THBS1: variants seen among roughly 807,000 people sequenced by gnomAD.
THBS1 encodes the protein thrombospondin-1.
THBS1 carries 29 observed loss-of-function variants against 126.1 expected under a neutral mutation model. The observed-to-expected ratio is 0.23, with a 90% CI of 0.17 to 0.31. The LOEUF is 0.31. THBS1 is among the 10% of genes least tolerant of loss of function. The pLI is 1.00. For missense variants in THBS1, 1,198 were observed against 1,545.2 expected (o/e 0.78, Z 3.77); for synonymous variants, 496 against 577.8 (o/e 0.86, Z 2.03).
chr15:39,589,823 C>T lies in THBS1; in HGVS notation c.1945C>T (p.Pro649Ser). Reference sequence around the variant, plus strand: ...CCCTCAGGTGTGCAAGCCCCGTAACCCCTGCACGGATGGGACCCACGACTG... The same window carrying T: ...CCCTCAGGTGTGCAAGCCCCGTAACTCCTGCACGGATGGGACCCACGACTG... The part of the protein sequence containing the change: ...ANKQVCKPRN[P>S]CTDGTHDCNK... Residue 649 changes from proline (P) to serine (S), a missense_variant, in exon 13 of 22, where the codon CCC (proline) becomes TCC (serine). Physicochemically the swap from Pro to Ser is moderately conservative, Grantham distance 74. Around this residue, in one of 4 missense-constraint regions of THBS1, gnomAD observed 663 missense variants for 860.1 expected, o/e 0.77. Coordinates refer to ENST00000260356, the MANE Select transcript of THBS1 (RefSeq NM_003246.4). The surrounding 1 kb of genome is among the most constrained non-coding windows in gnomAD (Gnocchi z 4.7). The T allele has an allele frequency of 6.2e-7, 1 of 1,613,090 alleles. No individual in the cohort carries two copies. Among genetic ancestry groups the T allele is most frequent in the Non-Finnish European group, 8.5e-7 (1 of 1,179,440 alleles).
chr15:39,590,227 G>A (rs909713725), intron 13 of THBS1, among the ~76,000 whole-genome samples: 1 of 152,276 alleles, frequency 6.6e-6, no homozygotes, highest in Admixed American at 6.5e-5. Context: ...GGGCAACTGT[G>A]TTCCATAGTC....
rs767258475 is a variant in THBS1, at chr15:39,585,458, C to T, written c.1027-12C>T. Reference sequence around the variant, plus strand: ...CAGCAGCCTGTTCCCCTCTCACTCTCTTGCCCTGCAGAACTCAGTTACCAT... The same window carrying T: ...CAGCAGCCTGTTCCCCTCTCACTCTTTTGCCCTGCAGAACTCAGTTACCAT... On this transcript the variant is annotated splice_polypyrimidine_tract_variant and intron_variant, in intron 6 of 21. Coordinates refer to ENST00000260356, the MANE Select transcript of THBS1 (RefSeq NM_003246.4). 2 of 1,613,424 alleles carry T rather than the reference C, an allele frequency of 1.2e-6. No individual in the cohort carries two copies. Among genetic ancestry groups the T allele is most frequent in the Non-Finnish European group, 1.7e-6 (2 of 1,179,388 alleles).
Position 39,584,504 on chromosome 15 carries a change from C to T in THBS1, c.1026+82C>T. ...CTTTGGGGAAATACCCTAATCGCCACAGAGATTCTTTTTATGTTCCATGGC... is the reference window on the plus strand; with the variant it reads ...CTTTGGGGAAATACCCTAATCGCCATAGAGATTCTTTTTATGTTCCATGGC... On this transcript the variant is annotated intron_variant, in intron 6 of 21. Transcript: ENST00000260356. The T allele has an allele frequency of 1.9e-6, 3 of 1,553,052 alleles. No homozygotes were observed. The East Asian group carries it at 6.8e-5, about 35-fold the overall frequency.
chr15:39,587,542 G>A, intron 8 of THBS1, 22 bp downstream of exon 8: 6 of 1,598,002 alleles, frequency 3.8e-6, no homozygotes, highest in Non-Finnish European at 5.1e-6. Context: ...AGCCTCTCAG[G>A]GACGTGGAGA....
rs59086883 is a variant in THBS1, at chr15:39,582,200, C to A, written c.75C>A (p.Gly25=). 13 of 1,599,640 alleles carry A rather than the reference C, an allele frequency of 8.1e-6. No homozygotes were observed. The highest frequency in any genetic ancestry group is 4.0e-5 in the African/African-American group (3 of 74,472). ...VCGTNRIPES[G]GDNSVFDIFE... ...TTCTCTCCTGTCTAACAGAGTCTGG[C>A]GGAGACAACAGCGTGTTTGACATCT... Residue 25 remains glycine, a synonymous_variant, in exon 3 of 22, where the codon GGC becomes GGA. Transcript: ENST00000260356.
At chr15:39,587,169 C>G in intron 7 of THBS1, 178 bp from the exon 8 acceptor site, 1 of 508,308 alleles carries the variant, frequency 2.0e-6, no homozygotes, top group Non-Finnish European at 3.4e-6. Flanking sequence ...TATATCAAAA[C>G]ATCACATTAT....
At chr15:39,585,732 A>G (rs1389735980) in intron 7 of THBS1, among the ~76,000 whole-genome samples, 169 bp downstream of exon 7, 1 of 152,240 alleles carries the variant, frequency 6.6e-6, no homozygotes. Context: ...GTACAGAGCC[A>G]AAACTCCATT....
chr15:39,599,406 A>G lies in THBS1; in HGVS notation c.*4037A>G, dbSNP rs1175458750. The G allele has an allele frequency of 6.6e-6, 1 of 152,110 alleles. No individual in the cohort carries two copies. Among genetic ancestry groups the G allele is most frequent in the Non-Finnish European group, 1.5e-5 (1 of 68,028 alleles). 9.4% of individuals were successfully genotyped at this position (152,110 alleles called of 1,614,324 possible). On this transcript the variant is annotated 3_prime_UTR_variant, in exon 22 of 22. Coordinates refer to ENST00000260356, the MANE Select transcript of THBS1 (RefSeq NM_003246.4). ...AAAGGCTCACTATGTCCCAAATATC[A>G]TTGGCAGAAGCAAACTATAAAGTCA...
At chr15:39,584,458 G>A (rs377476585) in intron 6 of THBS1, 36 bp downstream of exon 6, 132 of 1,611,828 alleles carry the variant, frequency 8.2e-5, no homozygotes, top group African/African-American at 4.4e-4. Context: ...AAGAATCGAC[G>A]GCTTTTGTTT....
chr15:39,583,771 A>C, intron 4 of THBS1, 79 bp downstream of exon 4: 1 of 1,476,246 alleles, frequency 6.8e-7, no homozygotes, highest in Non-Finnish European at 9.4e-7. Flanking sequence ...ATTTAGCAAT[A>C]GTGGTTATAC....
In THBS1 at chr15:39,582,299, T is replaced by C. The variant is rs1890124105; in HGVS notation, c.174T>C (p.Ala58=). 1 of 1,614,096 alleles carries C rather than the reference T, an allele frequency of 6.2e-7. No individual in the cohort carries two copies. Among genetic ancestry groups the C allele is most frequent in the Non-Finnish European group, 8.5e-7 (1 of 1,180,030 alleles). ...AGGGCCCCGACCCTTCCAGCCCAGC[T>C]TTCCGCATCGAGGATGCCAACCTGA... ...LVKGPDPSSP[A]FRIEDANLIP... Residue 58 remains alanine (A), a synonymous_variant, in exon 3 of 22, where the codon GCT becomes GCC. Coordinates refer to ENST00000260356, the MANE Select transcript of THBS1 (RefSeq NM_003246.4).
At position 39,594,125 on chromosome 15, in the gene THBS1, T is replaced by C; in HGVS notation, c.3294T>C (p.Arg1098=). The change falls in exon 20 of 22, where the codon CGT becomes CGC. Residue 1098 remains arginine, a synonymous_variant. Coordinates refer to ENST00000260356, the MANE Select transcript of THBS1 (RefSeq NM_003246.4). This position sits in a 1 kb window ranked among gnomAD's most constrained non-coding sequence, Gnocchi z 4.4. The part of the protein sequence containing the change: ...GQVRTLWHDP[R]HIGWKDFTAY... ...TGCGCACCCTGTGGCATGACCCTCG[T>C]CACATAGGCTGGAAAGATTTCACCG... 2 of 1,614,080 alleles carry C rather than the reference T, an allele frequency of 1.2e-6. No homozygotes were observed. The highest frequency in any genetic ancestry group is 1.7e-6 in the Non-Finnish European group (2 of 1,179,980).
chr15:39,585,388 G>A (rs1430612592), intron 6 of THBS1, 82 bp from the exon 7 acceptor site: 8 of 1,310,616 alleles, frequency 6.1e-6, no homozygotes, highest in East Asian at 2.3e-5. Flanking sequence ...GTTTTGGCTT[G>A]TAAAGGAAAT....
At chr15:39,587,248 T>G in intron 7 of THBS1, 99 bp from the exon 8 acceptor site, 3 of 1,225,552 alleles carry the variant, frequency 2.4e-6, no homozygotes, top group Non-Finnish European at 3.4e-6. Context: ...AATATATTGC[T>G]TTTCACCCTC....
Position 39,597,760 on chromosome 15 carries a change from A to C in THBS1, c.*2391A>C, listed in dbSNP as rs192601553. 2.6e-5 allele frequency: 4 copies of C among 152,218 alleles called. No individual in the cohort carries two copies. The highest frequency in any genetic ancestry group is 5.9e-5 in the Non-Finnish European group (4 of 68,034). The allele number at this position is 152,218 out of a possible 1,614,324, so 9.4% of individuals were successfully genotyped here. On this transcript the variant is annotated 3_prime_UTR_variant, in exon 22 of 22. Transcript: ENST00000260356. ...CCCCATAAGAATAAAATTTCTTATT[A>C]AGGTCATTAGATGTCATTGAATCCT...
In THBS1 at chr15:39,583,670, C is replaced by G; in HGVS notation, c.681C>G (p.Leu227=). 6.2e-7 allele frequency: 1 copy of G among 1,613,960 alleles called. No individual in the cohort carries two copies. The highest frequency in any genetic ancestry group is 8.5e-7 in the Non-Finnish European group (1 of 1,179,940). The part of the protein sequence containing the change: ...FVFGTTPEDI[L]RNKGCSSSTS... ...TTGGAACCACACCAGAAGACATCCT[C>G]AGGAACAAAGGCTGCTCCAGCTGTG... The change falls in exon 4 of 22, where the codon CTC becomes CTG. Residue 227 remains leucine, a synonymous_variant. Transcript: ENST00000260356.
At chr15:39,581,773 C>G in intron 1 of THBS1, 56 bp from the exon 2 acceptor site, 2 of 1,183,620 alleles carry the variant, frequency 1.7e-6, no homozygotes, top group East Asian at 2.4e-5. Flanking sequence ...TTCTGCGCAC[C>G]GTCCCTCCCT....
Position 39,584,023 on chromosome 15 carries a change from G to T in THBS1, c.739G>T (p.Val247Leu). 1 of 1,614,204 alleles carries T rather than the reference G, an allele frequency of 6.2e-7. No homozygotes were observed. The stretch of plus-strand genomic sequence containing the variant: ...CCTCCTCACCCTTGACAACAACGTG[G>T]TGAATGGTTCCAGCCCTGCCATCCG... ...SVLLTLDNNV[V>L]NGSSPAIRTN... Residue 247 changes from valine to leucine, a missense_variant, in exon 5 of 22, where the codon GTG becomes TTG. Val to Leu is a conservative substitution (Grantham distance 32). Transcript: ENST00000260356.
At chr15:39,587,220 T>G in intron 7 of THBS1, 127 bp from the exon 8 acceptor site, 2 of 910,944 alleles carry the variant, frequency 2.2e-6, no homozygotes, top group Middle Eastern at 2.3e-4. Flanking sequence ...TATACCTCAG[T>G]AAAGCCAAAA....
Sources: gnomAD v4.1 joint callset for allele counts (sites outside exome capture counted in the v4.1 genomes callset) on GRCh38, gnomAD v4.1.1 for gene constraint, gnomAD v4.1.1 regional missense constraint, Gnocchi (gnomAD v3.1) non-coding constraint, MANE v1.5 for transcripts, NCBI Gene and HGNC (gene_info 2026-07-23, HGNC 2026-07-21) for gene names.